WDR44: variants seen among roughly 807,000 people sequenced by gnomAD.
WDR44 encodes the protein WD repeat-containing protein 44.
Under a neutral mutation model 65.7 loss-of-function variants are expected in WDR44, and 9 were observed. That is an observed-to-expected ratio of 0.14 (90% confidence interval 0.08 to 0.24). The LOEUF is 0.24. Ranked by LOEUF, WDR44 falls within the 10% of genes least tolerant of loss-of-function variation. The pLI is 1.00. For missense variants in WDR44, 425 were observed against 670.9 expected (o/e 0.63, Z 4.05); for synonymous variants, 220 against 235.2 (o/e 0.94, Z 0.59).
At chrX:118,376,621 C>A (rs900422220) in intron 1 of WDR44, among the ~76,000 whole-genome samples, 1 of 111,272 alleles carries the variant, frequency 9.0e-6, no homozygotes, top group African/African-American at 3.3e-5. Context: ...ACTAAGTAGC[C>A]TTATGCTTTG....
chrX:118,380,269 A>T (rs1602893508), intron 2 of WDR44, among the ~76,000 whole-genome samples: 1 of 111,164 alleles, frequency 9.0e-6, no homozygotes, highest in Non-Finnish European at 1.9e-5. Context: ...GTGCAATGCG[A>T]GTGTATAGTT....
intron 1 of WDR44, among the ~76,000 whole-genome samples, chrX:118,370,038 T>G (rs2056600829): frequency 8.9e-6 from 1 of 112,082 alleles, no homozygotes; most frequent in Non-Finnish European, 1.9e-5. Flanking sequence ...CTGTCTTCAA[T>G]TTCAGAAACT....
intron 12 of WDR44, among the ~76,000 whole-genome samples, chrX:118,425,629 T>C (rs1188411692): frequency 9.1e-6 from 1 of 110,208 alleles, no homozygotes; most frequent in East Asian, 2.9e-4. Context: ...ACCTAGGTGA[T>C]GGAGCAAGAC....
At chrX:118,395,419 T>A in intron 6 of WDR44, 75 bp downstream of exon 6, 2 of 801,691 alleles carry the variant, frequency 2.5e-6, no homozygotes, top group Non-Finnish European at 3.7e-6. Flanking sequence ...GAAAACGTTC[T>A]GGAGATGGAT....
Position 118,393,287 on chromosome X carries a change from G to A in WDR44, c.826+16G>A. On this transcript the variant is annotated intron_variant, in intron 4 of 19. Transcript: ENST00000254029. Reference sequence around the variant, plus strand: ...GATATAGATGGCAAGTATTAATTGAGAAATCACTCTGTTGGTTGGGCACAG... The same window carrying A: ...GATATAGATGGCAAGTATTAATTGAAAAATCACTCTGTTGGTTGGGCACAG... 7 of 1,171,641 alleles carry A rather than the reference G, an allele frequency of 6.0e-6. No homozygotes were observed. Among genetic ancestry groups the A allele is most frequent in the Non-Finnish European group, 7.9e-6 (7 of 881,399 alleles).
At chrX:118,402,021 G>GTT (rs200328139) in intron 8 of WDR44, among the ~76,000 whole-genome samples, 18 of 105,896 alleles carry the variant, frequency 1.7e-4, no homozygotes, top group African/African-American at 5.2e-4. Flanking sequence ...TGTTTTTTTG[G>GTT]TTTTTTTTTA....
At position 118,392,792 on chromosome X, in the gene WDR44, T is replaced by C; in HGVS notation, c.347T>C (p.Val116Ala). ...NIPGLLAIDQ[V>A]LPEESQKAES... ...CCCGGACTGTTAGCCATAGATCAAG[T>C]ACTACCGGAAGAATCCCAAAAGGCA... Residue 116 changes from valine to alanine, a missense_variant, in exon 4 of 20, where the codon GTA becomes GCA. Physicochemically the swap from Val to Ala is moderately conservative, Grantham distance 64 (BLOSUM62 0). This residue lies in a region of WDR44 where 193 missense variants were observed against 209.0 expected (regional missense o/e 0.92). Coordinates refer to ENST00000254029, the MANE Select transcript of WDR44 (RefSeq NM_019045.5). 8.3e-7 allele frequency: 1 copy of C among 1,211,654 alleles called. No homozygotes were observed. The highest frequency in any genetic ancestry group is 1.1e-6 in the Non-Finnish European group (1 of 895,527).
rs761925199 is a variant in WDR44 at position 118,361,123 on chromosome X, TAAAGA to T, written c.77+14548_77+14552del. ...TCTGGTATATTCTTTTCCTTGAGTA[TAAAGA>T]AAAGTCTGAAAATAATGGTAAAAGT... On this transcript the variant is annotated intron_variant, in intron 1 of 19. Coordinates refer to ENST00000254029, the MANE Select transcript of WDR44 (RefSeq NM_019045.5). Among the ~76,000 whole-genome samples the T allele has an allele frequency of 8.0e-5, 9 of 112,277 alleles. No individual in the cohort carries two copies. In the South Asian group the frequency reaches 3.3e-3, roughly 41 times the overall value.
At chrX:118,417,263 T>C (rs2057065389) in intron 12 of WDR44, among the ~76,000 whole-genome samples, 1 of 111,757 alleles carries the variant, frequency 8.9e-6, no homozygotes, top group African/African-American at 3.3e-5. Flanking sequence ...AACTTACATT[T>C]TTGTTTTATA....
chrX:118,443,317 C>T (rs2057318004), intron 17 of WDR44, among the ~76,000 whole-genome samples: 1 of 111,210 alleles, frequency 9.0e-6, no homozygotes, highest in African/African-American at 3.3e-5. Context: ...AATCATCATT[C>T]CTCCCAACGT....
chrX:118,383,156 A>G (rs947324089), intron 2 of WDR44, among the ~76,000 whole-genome samples: 3 of 112,343 alleles, frequency 2.7e-5, no homozygotes, highest in Non-Finnish European at 3.8e-5. Context: ...GTGACTTAAA[A>G]CAGCAGAGTA....
intron 1 of WDR44, among the ~76,000 whole-genome samples, chrX:118,349,560 ATTT>A (rs34195317): frequency 1.1e-5 from 1 of 93,265 alleles, no homozygotes; most frequent in Non-Finnish European, 2.1e-5. Context: ...TATGAGGAAC[ATTT>A]TTTTTTTTTT....
chrX:118,393,606 AAGAG>A (rs1569367852), intron 4 of WDR44, among the ~76,000 whole-genome samples: 2 of 110,826 alleles, frequency 1.8e-5, no homozygotes, highest in Non-Finnish European at 3.8e-5. Flanking sequence ...AAAAAAAAAA[AAGAG>A]AGAAATAACT....
chrX:118,352,442 C>T (rs1447746230), intron 1 of WDR44, among the ~76,000 whole-genome samples: 2 of 94,317 alleles, frequency 2.1e-5, no homozygotes, highest in Non-Finnish European at 4.2e-5. Flanking sequence ...ATCCACCCAA[C>T]CTCGACCTCC....
At chrX:118,440,132 A>AAAAAAAG (rs1556141112) in intron 14 of WDR44, among the ~76,000 whole-genome samples, 1 of 108,557 alleles carries the variant, frequency 9.2e-6, no homozygotes, top group African/African-American at 3.4e-5. Context: ...AAAAAAAAAA[A>AAAAAAAG]AAAGAAAGAA....
intron 1 of WDR44, among the ~76,000 whole-genome samples, chrX:118,369,492 T>G (rs6646177): frequency 1.7e-5 from 1 of 57,469 alleles, no homozygotes; most frequent in Non-Finnish European, 3.3e-5. Flanking sequence ...TTTTTTGAAA[T>G]GGAGTCTTGC....
At position 118,442,406 on chromosome X, in the gene WDR44, A is replaced by G. The variant is rs1389921821; in HGVS notation, c.2268+61A>G. The stretch of plus-strand genomic sequence containing the variant: ...ATATGTAGATTCTTGAAAGTTCTTA[A>G]TATCTTGGCAAAAAAATGTATTCTC... On this transcript the variant is annotated intron_variant, in intron 16 of 19. Coordinates refer to ENST00000254029, the MANE Select transcript of WDR44 (RefSeq NM_019045.5). 8.9e-6 allele frequency: 9 copies of G among 1,010,727 alleles called. No homozygotes were observed. The Admixed American group carries it at 9.9e-5, about 11-fold the overall frequency. 83.3% of individuals were successfully genotyped at this position (1,010,727 alleles called of 1,213,427 possible). A position where few individuals can be genotyped will look rare whatever the true frequency, so the allele number is the denominator to read the frequency against.
intron 14 of WDR44, among the ~76,000 whole-genome samples, chrX:118,439,709 T>A (rs1267623251): frequency 9.0e-6 from 1 of 111,076 alleles, no homozygotes; most frequent in African/African-American, 3.3e-5. Context: ...TGAGCTTACA[T>A]TATTTGTAGA....
chrX:118,424,046 T>G (rs1162361552), intron 12 of WDR44, among the ~76,000 whole-genome samples: 1 of 110,214 alleles, frequency 9.1e-6, no homozygotes, highest in African/African-American at 3.3e-5. Flanking sequence ...TTGTGAATAA[T>G]GCTGCAGTGA....
Sources: gnomAD v4.1 joint callset for allele counts (sites outside exome capture counted in the v4.1 genomes callset) on GRCh38, gnomAD v4.1.1 for gene constraint, gnomAD v4.1.1 regional missense constraint, MANE v1.5 for transcripts, NCBI Gene and HGNC (gene_info 2026-07-23, HGNC 2026-07-21) for gene names.